CCDC150: variants seen among roughly 807,000 people sequenced by gnomAD.
CCDC150 encodes the protein coiled-coil domain-containing protein 150.
A neutral mutation model predicts 156.5 loss-of-function variants in CCDC150; 151 were observed. That is an observed-to-expected ratio of 0.97 (90% CI 0.85 to 1.10). The LOEUF (loss-of-function observed/expected upper bound fraction) is 1.10, where lower values mean the gene tolerates loss of function less well. CCDC150 is among the 50% of genes least tolerant of loss of function. The pLI is 0.00. For synonymous variants in CCDC150, 452 were observed against 429.4 expected (o/e 1.05, Z -0.65); for missense variants, 1,312 against 1,268.1 (o/e 1.03, Z -0.53).
At chr2:196,641,837 A>G (rs1692249118) in intron 1 of CCDC150, among the ~76,000 whole-genome samples, 1 of 152,236 alleles carries the variant, frequency 6.6e-6, no homozygotes, top group African/African-American at 2.4e-5. Flanking sequence ...TGGAACCAAC[A>G]GCATGTACTT....
chr2:196,706,538 T>TA lies in CCDC150; in HGVS notation c.1695+5359dup, dbSNP rs1324731655. On this transcript the variant is annotated intron_variant, in intron 15 of 27. Transcript: ENST00000389175. Reference sequence around the variant, plus strand: ...TTGCCTGATTGCCCTGGCTAGAACTTACAATACTATGTTGAATAGGAGTGG... The same window carrying TA: ...TTGCCTGATTGCCCTGGCTAGAACTTAACAATACTATGTTGAATAGGAGTGG... Among the ~76,000 whole-genome samples the TA allele has an allele frequency of 2.0e-5, 3 of 152,242 alleles. No individual in the cohort carries two copies. The East Asian group carries it at 5.8e-4, about 29-fold the overall frequency.
At chr2:196,711,021 A>G (rs979243724) in intron 15 of CCDC150, among the ~76,000 whole-genome samples, 27 of 152,286 alleles carry the variant, frequency 1.8e-4, no homozygotes, top group African/African-American at 6.3e-4. Flanking sequence ...AACCACTAGG[A>G]TTTCAACATT....
chr2:196,729,402 C>T lies in CCDC150; in HGVS notation c.2751+15C>T, dbSNP rs1468807238. The T allele has an allele frequency of 1.2e-6, 2 of 1,611,454 alleles. No individual in the cohort carries two copies. The highest frequency in any genetic ancestry group is 1.7e-6 in the Non-Finnish European group (2 of 1,177,874). On this transcript the variant is annotated intron_variant, in intron 23 of 27. Transcript: ENST00000389175. ...AAAGGATGAAGGTTGTATGGGAAAC[C>T]TCTTCTCACTTCCTGGATACCCTGT...
chr2:196,663,082 T>G (rs1028880100), intron 5 of CCDC150, among the ~76,000 whole-genome samples: 1 of 150,116 alleles, frequency 6.7e-6, no homozygotes, highest in African/African-American at 2.5e-5. Context: ...AACAACAAAT[T>G]TTTTAAATTA....
chr2:196,668,993 A>T (rs1694030892), intron 7 of CCDC150, among the ~76,000 whole-genome samples: 1 of 152,180 alleles, frequency 6.6e-6, no homozygotes, highest in Non-Finnish European at 1.5e-5. Context: ...AACAAGACTG[A>T]TATGAATTTT....
At chr2:196,648,107 C>CAT (rs1222531749) in intron 2 of CCDC150, among the ~76,000 whole-genome samples, 1 of 152,146 alleles carries the variant, frequency 6.6e-6, no homozygotes, top group Non-Finnish European at 1.5e-5. Context: ...CACAGGAGTG[C>CAT]ATATATCCCT....
intron 17 of CCDC150, chr2:196,713,607 T>C: frequency 2.6e-6 from 4 of 1,518,610 alleles, no homozygotes; most frequent in Non-Finnish European, 3.5e-6. Flanking sequence ...GAGGGAAGAC[T>C]GGAAGGCAAA....
intron 5 of CCDC150, among the ~76,000 whole-genome samples, chr2:196,663,208 C>T (rs531578164): frequency 6.6e-6 from 1 of 152,150 alleles, no homozygotes; most frequent in Non-Finnish European, 1.5e-5. Flanking sequence ...CCATTGCACT[C>T]AGCCTGGCTG....
At chr2:196,660,155 T>C (rs1266177745) in intron 5 of CCDC150, among the ~76,000 whole-genome samples, 2 of 152,252 alleles carry the variant, frequency 1.3e-5, no homozygotes, top group Non-Finnish European at 2.9e-5. Flanking sequence ...CTCATTTCTT[T>C]ATATAGCTGA....
intron 13 of CCDC150, among the ~76,000 whole-genome samples, chr2:196,687,795 C>T (rs1353464044): frequency 6.6e-6 from 1 of 152,112 alleles, no homozygotes; most frequent in Non-Finnish European, 1.5e-5. Flanking sequence ...GGGAAGGGGT[C>T]CAGTTTCCAT....
chr2:196,718,832 T>G (rs1202028206), intron 18 of CCDC150, among the ~76,000 whole-genome samples: 1 of 151,954 alleles, frequency 6.6e-6, no homozygotes, highest in Non-Finnish European at 1.5e-5. Context: ...TAACTCCCAA[T>G]GTTTTTTTTT....
chr2:196,690,985 C>A (rs1321741548), intron 13 of CCDC150, among the ~76,000 whole-genome samples: 2 of 152,082 alleles, frequency 1.3e-5, no homozygotes, highest in South Asian at 2.1e-4. Context: ...CTCTTTAGTT[C>A]TGTTTATGTG....
chr2:196,684,085 T>C (rs1694994055), intron 13 of CCDC150, among the ~76,000 whole-genome samples: 1 of 152,050 alleles, frequency 6.6e-6, no homozygotes, highest in South Asian at 2.1e-4. Context: ...GGTTATTGAT[T>C]GAGAAATATT....
chr2:196,660,814 A>T (rs1693515580), intron 5 of CCDC150, among the ~76,000 whole-genome samples: 1 of 152,240 alleles, frequency 6.6e-6, no homozygotes, highest in South Asian at 2.1e-4. Context: ...AGTCCAATAT[A>T]TCAATTTTTT....
intron 21 of CCDC150, among the ~76,000 whole-genome samples, chr2:196,723,389 G>A (rs1327277021): frequency 3.3e-5 from 5 of 152,076 alleles, no homozygotes; most frequent in East Asian, 1.9e-4. Context: ...CCAGCTACTC[G>A]GGAGGCTAAG....
rs1693242736 is a variant in CCDC150 at position 196,657,013 on chromosome 2, G to C, written c.453G>C (p.Lys151Asn). ...AGGAAGAGCATTCTAAGGACCTGAA[G>C]CTGTTGCATCTCGAAGTTATGAATT... ...AIQEEHSKDL[K>N]LLHLEVMNLR... The change falls in exon 4 of 28, where the codon AAG becomes AAC. Residue 151 changes from lysine to asparagine, a missense_variant. Lys to Asn is a moderately conservative substitution (Grantham distance 94). Transcript: ENST00000389175. 6.2e-7 allele frequency: 1 copy of C among 1,613,710 alleles called. No homozygotes were observed. Among genetic ancestry groups the C allele is most frequent in the Middle Eastern group, 1.6e-4 (1 of 6,062 alleles).
chr2:196,729,197 A>C lies in CCDC150; in HGVS notation c.2561A>C (p.Lys854Thr), dbSNP rs2125718956. The change falls in exon 23 of 28, where the codon AAG (lysine) becomes ACG (threonine). Residue 854 changes from lysine to threonine, a missense_variant. By Grantham distance (78) the Lys-to-Thr change is moderately conservative. Coordinates refer to ENST00000389175, the MANE Select transcript of CCDC150 (RefSeq NM_001080539.2). ...KVAQREVAELKKALDEANFRS... is the reference protein window; with the variant it reads ...KVAQREVAELTKALDEANFRS... ...TTTTCTCCCTTGTGTTTTAAGCTGA[A>C]GAAAGCCCTTGATGAAGCTAACTTC... is the stretch of plus-strand genomic sequence containing the variant. 1 of 1,606,546 alleles carries C rather than the reference A, an allele frequency of 6.2e-7. No individual in the cohort carries two copies. The highest frequency in any genetic ancestry group is 2.2e-5 in the East Asian group (1 of 44,852).
rs529366143 is a variant in CCDC150 at position 196,669,770 on chromosome 2, C to T, written c.893-63C>T. 1.2e-4 allele frequency: 131 copies of T among 1,079,302 alleles called. 1 individual carries two copies. The South Asian group carries it at 1.6e-3, about 13-fold the overall frequency. 66.9% of individuals were successfully genotyped at this position (1,079,302 alleles called of 1,614,324 possible). A position where few individuals can be genotyped will look rare whatever the true frequency, so the allele number is the denominator to read the frequency against. ...TAGACATAAAATATTTAAAGCTTCT[C>T]ACTATGTGATTTTAATGTAGCAAGT... is the stretch of plus-strand genomic sequence containing the variant. On this transcript the variant is annotated intron_variant, in intron 7 of 27. Coordinates refer to ENST00000389175, the MANE Select transcript of CCDC150 (RefSeq NM_001080539.2).
At chr2:196,655,141 G>A (rs185950088) in intron 2 of CCDC150, among the ~76,000 whole-genome samples, 9 of 152,336 alleles carry the variant, frequency 5.9e-5, no homozygotes, top group Admixed American at 2.6e-4. Flanking sequence ...TTATTTATCT[G>A]CACTAAGGCA....
Sources: gnomAD v4.1 joint callset for allele counts (sites outside exome capture counted in the v4.1 genomes callset) on GRCh38, gnomAD v4.1.1 for gene constraint, MANE v1.5 for transcripts, NCBI Gene and HGNC (gene_info 2026-07-23, HGNC 2026-07-21) for gene names.